OGT: variants seen among roughly 807,000 people sequenced by gnomAD.
OGT encodes the protein UDP-N-acetylglucosamine--peptide N-acetylglucosaminyltransferase 110 kDa subunit.
OGT carries 3 observed loss-of-function variants against 75.8 expected under a neutral mutation model. The ratio of observed to expected loss-of-function variants is 0.04; its 90% CI spans 0.02 to 0.10. The LOEUF (loss-of-function observed/expected upper bound fraction) is 0.10, where lower values mean the gene tolerates loss of function less well. Ranked by LOEUF, OGT falls within the 10% of genes least tolerant of loss-of-function variation. The pLI, the probability that OGT is intolerant of heterozygous loss-of-function variation, is 1.00. For missense variants in OGT, 260 were observed against 824.4 expected (o/e 0.32, Z 8.38); for synonymous variants, 257 against 289.7 (o/e 0.89, Z 1.15).
rs2040351520 is a variant in OGT at position 71,557,625 on chromosome X, T to G, written c.1555T>G (p.Phe519Val). ...HSMLYPLSHG[F>V]RKAIAERHGN... The stretch of plus-strand genomic sequence containing the variant: ...TATGCTATATCCTCTTTCTCATGGC[T>G]TCAGGAAGGCTATTGCTGAGAGGCA... Residue 519 changes from phenylalanine (F) to valine (V), a missense_variant, in exon 12 of 22, where the codon TTC becomes GTC. This residue lies in a region of OGT where 99 missense variants were observed against 417.9 expected (regional missense o/e 0.24). Coordinates refer to ENST00000373719, the MANE Select transcript of OGT (RefSeq NM_181672.3). The G allele has an allele frequency of 8.3e-7, 1 of 1,208,183 alleles. No individual in the cohort carries two copies. Among genetic ancestry groups the G allele is most frequent in the Admixed American group, 2.2e-5 (1 of 45,428 alleles).
intron 1 of OGT, among the ~76,000 whole-genome samples, chrX:71,535,108 T>C (rs964242831): frequency 2.7e-5 from 3 of 110,402 alleles, no homozygotes; most frequent in Non-Finnish European, 5.7e-5. Flanking sequence ...TTTAAGTATT[T>C]ACAGTTGTGA....
chrX:71,559,127 C>T, intron 12 of OGT, 140 bp from the exon 13 acceptor site: 1 of 494,170 alleles, frequency 2.0e-6, no homozygotes, highest in Non-Finnish European at 3.3e-6. Context: ...GAGGTTGCAT[C>T]TCTCTGGCAA....
intron 1 of OGT, among the ~76,000 whole-genome samples, chrX:71,535,446 G>A (rs2040168821): frequency 8.9e-6 from 1 of 111,905 alleles, no homozygotes; most frequent in East Asian, 2.8e-4. Flanking sequence ...GGATGGTAGA[G>A]GAGCAGTGTA....
At chrX:71,542,975 C>CTAGA (rs1168883744) in intron 3 of OGT, among the ~76,000 whole-genome samples, 6 of 111,360 alleles carry the variant, frequency 5.4e-5, no homozygotes, top group Non-Finnish European at 1.1e-4. Context: ...ACCTTACTCT[C>CTAGA]TAGAACATCA....
chrX:71,550,388 T>C, intron 5 of OGT, among the ~76,000 whole-genome samples: 1 of 111,733 alleles, frequency 8.9e-6, no homozygotes, highest in East Asian at 2.8e-4. Flanking sequence ...TGTTTTGTTT[T>C]GTTTTGTTTT....
chrX:71,552,080 G>A (rs1171584413), intron 5 of OGT, among the ~76,000 whole-genome samples: 2 of 108,511 alleles, frequency 1.8e-5, no homozygotes, highest in Admixed American at 9.9e-5. Context: ...AGCTGGGTGC[G>A]GTGCGGTGGC....
intron 3 of OGT, among the ~76,000 whole-genome samples, chrX:71,543,764 G>GTA (rs1393445369): frequency 4.6e-4 from 28 of 61,024 alleles, no homozygotes; most frequent in South Asian, 1.1e-3. Context: ...GTGTGTGTGT[G>GTA]TGTATATATA....
intron 21 of OGT, among the ~76,000 whole-genome samples, chrX:71,570,760 T>C (rs2040452493): frequency 1.8e-5 from 2 of 110,700 alleles, no homozygotes; most frequent in Admixed American, 1.9e-4. Context: ...ATAAGATTCA[T>C]GTCCATTAGC....
chrX:71,569,138 G>T (rs1201524358), intron 21 of OGT, among the ~76,000 whole-genome samples: 1 of 111,464 alleles, frequency 9.0e-6, no homozygotes, highest in East Asian at 2.8e-4. Context: ...GACCATCCTG[G>T]CTAACACGGT....
intron 15 of OGT, among the ~76,000 whole-genome samples, chrX:71,562,126 T>C (rs2040388661): frequency 8.9e-6 from 1 of 112,641 alleles, no homozygotes; most frequent in African/African-American, 3.2e-5. Context: ...GAACAGTTAC[T>C]CTGTCTTGCA....
chrX:71,533,909 T>G (rs2040154290), intron 1 of OGT, among the ~76,000 whole-genome samples: 1 of 111,633 alleles, frequency 9.0e-6, no homozygotes, highest in Non-Finnish European at 1.9e-5. Flanking sequence ...AGAGGGGACA[T>G]TGAGCAGCAC....
At chrX:71,536,423 C>T (rs1249644226) in intron 2 of OGT, 65 bp downstream of exon 2, 10 of 928,199 alleles carry the variant, frequency 1.1e-5, no homozygotes, top group Non-Finnish European at 1.4e-5. Flanking sequence ...AAAAATGATA[C>T]TTAAATATTT....
intron 1 of OGT, among the ~76,000 whole-genome samples, 187 bp from the exon 2 acceptor site, chrX:71,535,991 A>T (rs1248121913): frequency 8.9e-6 from 1 of 112,489 alleles, no homozygotes; most frequent in Non-Finnish European, 1.9e-5. Flanking sequence ...AATTCTAAAA[A>T]TGCCAATTCT....
chrX:71,556,657 G>A lies in OGT; in HGVS notation c.1066-23G>A, dbSNP rs1212683111. The stretch of plus-strand genomic sequence containing the variant: ...TGCTTTAGCAATTTTTTTAACCTCA[G>A]TTCTGATCTTGACTCTTTATAGGTC... On this transcript the variant is annotated intron_variant, in intron 8 of 21. Transcript: ENST00000373719. 4.7e-6 allele frequency: 5 copies of A among 1,062,665 alleles called. No individual in the cohort carries two copies. The African/African-American group carries it at 9.4e-5, about 20-fold the overall frequency. 87.6% of individuals were successfully genotyped at this position (1,062,665 alleles called of 1,213,427 possible).
At chrX:71,553,645 G>C (rs1278606542) in intron 5 of OGT, 1 of 108,966 alleles carries the variant, frequency 9.2e-6, no homozygotes, top group African/African-American at 3.4e-5. Context: ...ACCATGCCCA[G>C]GTAATTTTTG....
intron 4 of OGT, chrX:71,547,213 T>C (rs1006701418): frequency 5.3e-6 from 4 of 752,802 alleles, no homozygotes; most frequent in Non-Finnish European, 4.7e-6. Flanking sequence ...CTTTATGATA[T>C]CCTACTTGGC....
At position 71,563,519 on chromosome X, in the gene OGT, C is replaced by T. The variant is rs781352411; in HGVS notation, c.2436+20C>T. 8.9e-7 allele frequency: 1 copy of T among 1,125,730 alleles called. No homozygotes were observed. Among genetic ancestry groups the T allele is most frequent in the Non-Finnish European group, 1.2e-6 (1 of 833,711 alleles). The allele number at this position is 1,125,730 out of a possible 1,213,427, so 92.8% of individuals were successfully genotyped here. A position where few individuals can be genotyped will look rare whatever the true frequency, so the allele number is the denominator to read the frequency against. On this transcript the variant is annotated intron_variant, in intron 18 of 21. Transcript: ENST00000373719. ...ACTCAGGTGAGAAGATAATAATACA[C>T]CATTATATGTCCCGCCAAGTATGCA...
intron 4 of OGT, chrX:71,546,154 G>A: frequency 5.3e-6 from 4 of 754,167 alleles, no homozygotes; most frequent in Non-Finnish European, 6.3e-6. Context: ...AAAAATCCCT[G>A]CTGTATGCAA....
intron 14 of OGT, among the ~76,000 whole-genome samples, chrX:71,561,527 C>T (rs1240327146): frequency 9.1e-6 from 1 of 110,034 alleles, no homozygotes; most frequent in Non-Finnish European, 1.9e-5. Context: ...GTTATTCATA[C>T]ATTCAATCCA....
Sources: allele counts gnomAD v4.1 joint callset (sites outside exome capture counted in the v4.1 genomes callset), GRCh38; gene constraint gnomAD v4.1.1; regional missense constraint gnomAD v4.1.1; transcripts MANE v1.5; gene names NCBI Gene and HGNC (gene_info 2026-07-23, HGNC 2026-07-21).